MYO9A: variants seen among roughly 807,000 people sequenced by gnomAD.
MYO9A encodes myosin IXA.
MYO9A carries 103 observed loss-of-function variants against 293.3 expected under a neutral mutation model. That is an observed-to-expected ratio of 0.35 (90% CI 0.30 to 0.41). The LOEUF is 0.41. MYO9A is among the 10% of genes least tolerant of loss of function. The pLI, the probability that MYO9A is intolerant of heterozygous loss-of-function variation, is 1.00. For missense variants in MYO9A, 2,685 were observed against 3,033.0 expected, an observed-to-expected ratio of 0.89 and a Z score of 2.69; for synonymous variants, 1,001 against 1,035.7, an observed-to-expected ratio of 0.97 and a Z score of 0.64.
chr15:72,100,900 C>G (rs1353889332), intron 1 of MYO9A, among the ~76,000 whole-genome samples: 1 of 145,138 alleles, frequency 6.9e-6, no homozygotes, highest in African/African-American at 2.6e-5. Flanking sequence ...CGGCCAGCCG[C>G]CCGGTCCGGG....
At chr15:71,955,129 CT>C (rs796862707) in intron 14 of MYO9A, among the ~76,000 whole-genome samples, 532 of 142,034 alleles carry the variant, frequency 3.7e-3, no homozygotes, top group Non-Finnish European at 5.4e-3. Flanking sequence ...AATTTATTAC[CT>C]TTTTTTTTTT....
rs556278567 is a variant in MYO9A, at chr15:72,095,235, A to G, written c.-72+22445T>C. ...GCAAAGGAAAACTTGAAGGAAATTA[A>G]AAGTGCTACTCCAGCGAACACACAA... On this transcript the variant is annotated intron_variant, in intron 1 of 41. Coordinates refer to ENST00000356056, the MANE Select transcript of MYO9A (RefSeq NM_006901.4). Among the ~76,000 whole-genome samples, 276 of 92,888 alleles carry G rather than the reference A, an allele frequency of 3.0e-3. 108 individuals are homozygous for G. The highest frequency in any genetic ancestry group is 5.6e-3 in the Non-Finnish European group (171 of 30,632). The allele number at this position is 92,888 out of a possible 152,430, so 60.9% of individuals were successfully genotyped here.
intron 1 of MYO9A, among the ~76,000 whole-genome samples, chr15:72,058,237 T>A (rs2078776538): frequency 6.6e-6 from 1 of 152,208 alleles, no homozygotes; most frequent in Non-Finnish European, 1.5e-5. Context: ...AAAGAATTTA[T>A]AACGTAAAAT....
chr15:72,008,720 G>A (rs1322165548), intron 7 of MYO9A, among the ~76,000 whole-genome samples: 2 of 152,040 alleles, frequency 1.3e-5, no homozygotes, highest in African/African-American at 4.8e-5. Flanking sequence ...GCTAAGAACA[G>A]TATATTATGT....
chr15:71,861,915 G>C (rs1324559756), intron 33 of MYO9A, among the ~76,000 whole-genome samples: 1 of 152,166 alleles, frequency 6.6e-6, no homozygotes, highest in Non-Finnish European at 1.5e-5. Context: ...AGGATCATCT[G>C]AGGTCAGGAG....
chr15:72,020,045 C>T (rs556687359), intron 5 of MYO9A, among the ~76,000 whole-genome samples: 26 of 152,300 alleles, frequency 1.7e-4, no homozygotes, highest in African/African-American at 5.8e-4. Context: ...AGCCACTGCA[C>T]TCAGCCAAAG....
intron 15 of MYO9A, among the ~76,000 whole-genome samples, chr15:71,946,929 C>T (rs1222898349): frequency 1.3e-5 from 2 of 152,158 alleles, no homozygotes; most frequent in African/African-American, 4.8e-5. Context: ...GCCTGGACAA[C>T]ATAGTAAGAC....
chr15:72,072,369 G>A (rs1325956035), intron 1 of MYO9A, among the ~76,000 whole-genome samples: 1 of 152,120 alleles, frequency 6.6e-6, no homozygotes, highest in Non-Finnish European at 1.5e-5. Flanking sequence ...CTGACCTCGT[G>A]ATCCACCCGC....
At chr15:72,087,948 T>A (rs1434281387) in intron 1 of MYO9A, among the ~76,000 whole-genome samples, 1 of 152,118 alleles carries the variant, frequency 6.6e-6, no homozygotes, top group East Asian at 1.9e-4. Context: ...AAAGAAGTAA[T>A]GAAGGTTAAA....
chr15:71,936,450 C>T (rs1189995658), intron 16 of MYO9A, among the ~76,000 whole-genome samples: 1 of 151,994 alleles, frequency 6.6e-6, no homozygotes, highest in Non-Finnish European at 1.5e-5. Context: ...GTATTGTATA[C>T]CTGAAAACAG....
intron 32 of MYO9A, among the ~76,000 whole-genome samples, chr15:71,863,819 ACC>A (rs1165421197): frequency 6.6e-6 from 1 of 151,464 alleles, no homozygotes; most frequent in Non-Finnish European, 1.5e-5. Flanking sequence ...TCCCCCTCAC[ACC>A]CCCTCACTCT....
chr15:71,906,212 T>C (rs1263501921), intron 19 of MYO9A, among the ~76,000 whole-genome samples: 2 of 152,208 alleles, frequency 1.3e-5, no homozygotes, highest in Non-Finnish European at 2.9e-5. Context: ...CTCAAAATTG[T>C]TAAGGTTTTA....
intron 33 of MYO9A, among the ~76,000 whole-genome samples, chr15:71,861,489 A>T (rs547846376): frequency 1.5e-3 from 222 of 147,584 alleles, no homozygotes; most frequent in African/African-American, 5.2e-3. Context: ...ATTTATATAT[A>T]TTTTATATAT....
chr15:72,047,510 C>T (rs2078422159), intron 1 of MYO9A, among the ~76,000 whole-genome samples: 1 of 152,016 alleles, frequency 6.6e-6, no homozygotes, highest in Non-Finnish European at 1.5e-5. Flanking sequence ...TAGTGATTTC[C>T]TTCAAATGGC....
chr15:72,108,762 A>ATT (rs3028363), intron 1 of MYO9A, among the ~76,000 whole-genome samples: 27,856 of 139,164 alleles, frequency 0.2, 3,899 homozygotes, highest in East Asian at 0.4. Flanking sequence ...TGACACATAC[A>ATT]TTTTTTTTTT....
chr15:71,861,697 A>AAAC (rs2056138959), intron 33 of MYO9A, among the ~76,000 whole-genome samples: 1 of 149,274 alleles, frequency 6.7e-6, no homozygotes, highest in African/African-American at 2.4e-5. Flanking sequence ...AAAAAAAAAA[A>AAAC]AAAACAAATA....
chr15:71,968,055 C>T lies in MYO9A; in HGVS notation c.1915G>A (p.Glu639Lys), dbSNP rs2075920792. The part of the protein sequence containing the change: ...KHQHEDNSYI[E>K]FPAVMEPAFI... ...GCAGGCTCCATCACGGCTGGAAATT[C>T]GATGTAAGAATTATCTTCATGTTGA... The change falls in exon 13 of 42, where the codon GAA becomes AAA. Residue 639 changes from glutamate to lysine, a missense_variant. Glu to Lys is a moderately conservative substitution (Grantham distance 56). Transcript: ENST00000356056. 2.5e-6 allele frequency: 4 copies of T among 1,611,984 alleles called. No individual in the cohort carries two copies. The highest frequency in any genetic ancestry group is 1.7e-4 in the Middle Eastern group (1 of 5,996).
chr15:71,825,193 T>TAAC lies in MYO9A; in HGVS notation c.*1384_*1386dup, dbSNP rs2054424349. ...TGCTAAGATACTTAAAATGCTATTA[T>TAAC]AACTCATGTGTATGAAGACCACCCA... On this transcript the variant is annotated 3_prime_UTR_variant, in exon 42 of 42. Coordinates refer to ENST00000356056, the MANE Select transcript of MYO9A (RefSeq NM_006901.4). 1.3e-5 allele frequency: 2 copies of TAAC among 152,236 alleles called. No homozygotes were observed. Among genetic ancestry groups the TAAC allele is most frequent in the Admixed American group, 6.5e-5 (1 of 15,288 alleles). 9.4% of individuals were successfully genotyped at this position (152,236 alleles called of 1,614,324 possible).
Position 71,852,256 on chromosome 15 carries a change from A to C in MYO9A, c.6351T>G (p.Ala2117=), listed in dbSNP as rs2055680276. Residue 2117 remains alanine, a synonymous_variant, in exon 36 of 42, where the codon GCT becomes GCG. Coordinates refer to ENST00000356056, the MANE Select transcript of MYO9A (RefSeq NM_006901.4). ...KELRQGLDTD[A]ESVNLDDYNI... The stretch of plus-strand genomic sequence containing the variant: ...TATAGTCATCTAGATTTACACTCTC[A>C]GCATCTATTTAGAGACAAGAGTTAG... The C allele has an allele frequency of 6.2e-7, 1 of 1,608,284 alleles. No individual in the cohort carries two copies. Among genetic ancestry groups the C allele is most frequent in the African/African-American group, 1.3e-5 (1 of 74,798 alleles).
Sources: allele counts gnomAD v4.1 joint callset (sites outside exome capture counted in the v4.1 genomes callset), GRCh38; gene constraint gnomAD v4.1.1; transcripts MANE v1.5; gene names NCBI Gene and HGNC (gene_info 2026-07-23, HGNC 2026-07-21).